Variants in HTT observed in about 807,000 individuals in gnomAD.
The protein encoded by HTT is huntingtin.
A neutral mutation model predicts 362.3 loss-of-function variants in HTT; 104 were observed. The ratio of observed to expected loss-of-function variants is 0.29; its 90% CI spans 0.24 to 0.34. The LOEUF (loss-of-function observed/expected upper bound fraction) is 0.34. Ranked by LOEUF, HTT falls within the 10% of genes least tolerant of loss-of-function variation. HTT has a pLI of 1.00. For missense variants in HTT, 3,301 were observed against 3,928.6 expected (o/e 0.84, Z 4.27); for synonymous variants, 1,577 against 1,548.7 (o/e 1.02, Z -0.43).
intron 29 of HTT, among the ~76,000 whole-genome samples, chr4:3,164,194 A>G (rs1717587879): frequency 1.3e-5 from 2 of 152,190 alleles, no homozygotes. Context: ...CCCAGTAGTC[A>G]TTCAAGAGCA....
At chr4:3,231,496 A>G (rs1721248111) in intron 60 of HTT, among the ~76,000 whole-genome samples, 2 of 152,168 alleles carry the variant, frequency 1.3e-5, no homozygotes, top group Non-Finnish European at 2.9e-5. Context: ...GCAGAGGTTG[A>G]GGTGAGCACA....
rs1315494366 is a variant in HTT at position 3,099,292 on chromosome 4, G to C, written c.366G>C (p.Gln122His). 6.2e-7 allele frequency: 1 copy of C among 1,613,380 alleles called. No individual in the cohort carries two copies. Among genetic ancestry groups the C allele is most frequent in the Non-Finnish European group, 8.5e-7 (1 of 1,179,554 alleles). ...AQSVRNSPEF[Q>H]KLLGIAMELF... ...TGCTTAGAAATTCTCCAGAATTTCA[G>C]AAACTTCTGGGCATCGCTATGGAAC... The change falls in exon 3 of 67, where the codon CAG (glutamine) becomes CAC (histidine). Residue 122 changes from glutamine to histidine, a missense_variant. Around this residue, in one of 4 missense-constraint regions of HTT, gnomAD observed 2,316 missense variants for 2,658.5 expected, o/e 0.87. Transcript: ENST00000355072.
chr4:3,201,446 C>G (rs1719524841), intron 41 of HTT, among the ~76,000 whole-genome samples: 1 of 148,318 alleles, frequency 6.7e-6, no homozygotes. Context: ...GGGAGAATCG[C>G]TTGAACCTAG....
Position 3,236,220 on chromosome 4 carries a change from G to A in HTT, c.8857G>A (p.Val2953Ile), listed in dbSNP as rs780787893. 7.4e-6 allele frequency: 12 copies of A among 1,613,922 alleles called. No individual in the cohort carries two copies. The highest frequency in any genetic ancestry group is 9.3e-6 in the Non-Finnish European group (11 of 1,179,836). The stretch of plus-strand genomic sequence containing the variant: ...AGCCCCCGACAGCGAGTCAGTGATT[G>A]TTGCTATGGAGCGGGTATCTGTTCT... ...PAAPDSESVI[V>I]AMERVSVLFD... The change falls in exon 64 of 67, where the codon GTT becomes ATT. Residue 2953 changes from valine to isoleucine, a missense_variant. Val to Ile is a conservative substitution (Grantham distance 29). Transcript: ENST00000355072.
At chr4:3,084,319 C>T (rs775121394) in intron 1 of HTT, among the ~76,000 whole-genome samples, 7 of 147,516 alleles carry the variant, frequency 4.7e-5, no homozygotes, top group Middle Eastern at 3.7e-3. Context: ...ATACTTGTGT[C>T]TCAGTCTCCC....
intron 14 of HTT, 93 bp from the exon 15 acceptor site, chr4:3,131,193 T>A: frequency 1.0e-6 from 1 of 969,112 alleles, no homozygotes; most frequent in Non-Finnish European, 1.6e-6. Context: ...AGCACCTGGC[T>A]TAAGTGCTGC....
intron 27 of HTT, 29 bp downstream of exon 27, chr4:3,154,448 C>T (rs1406098484): frequency 6.2e-7 from 1 of 1,610,826 alleles, no homozygotes; most frequent in South Asian, 1.1e-5. Flanking sequence ...AAGGGAGGGA[C>T]ATGAGTGCAG....
At chr4:3,130,662 T>C (rs1715766585) in intron 14 of HTT, among the ~76,000 whole-genome samples, 2 of 152,238 alleles carry the variant, frequency 1.3e-5, no homozygotes, top group Non-Finnish European at 2.9e-5. Context: ...TATTCTGTAC[T>C]GAATGTTTCC....
chr4:3,224,250 T>A, intron 56 of HTT, 119 bp downstream of exon 56: 1 of 1,018,244 alleles, frequency 9.8e-7, no homozygotes, highest in Non-Finnish European at 1.5e-6. Flanking sequence ...TTGGAGGCTG[T>A]GGTGCTAAAT....
intron 28 of HTT, among the ~76,000 whole-genome samples, chr4:3,158,675 C>T (rs1439712182): frequency 3.3e-5 from 5 of 151,676 alleles, no homozygotes; most frequent in South Asian, 2.1e-4. Context: ...ATTTATCAAA[C>T]GTATGTGGCT....
intron 29 of HTT, among the ~76,000 whole-genome samples, chr4:3,168,816 G>C (rs1717832166): frequency 6.6e-6 from 1 of 152,254 alleles, no homozygotes; most frequent in South Asian, 2.1e-4. Context: ...GGTTGAGGCT[G>C]CAAAGAGCCA....
At chr4:3,091,819 G>T (rs1350474675) in intron 2 of HTT, among the ~76,000 whole-genome samples, 1 of 152,150 alleles carries the variant, frequency 6.6e-6, no homozygotes, top group African/African-American at 2.4e-5. Context: ...TTTTGTCAGA[G>T]GTGATACAAC....
At chr4:3,180,204 G>T (rs994265027) in intron 35 of HTT, among the ~76,000 whole-genome samples, 2 of 152,150 alleles carry the variant, frequency 1.3e-5, no homozygotes, top group Non-Finnish European at 2.9e-5. Flanking sequence ...TTGGTTATTT[G>T]GAAAGTTTTA....
chr4:3,233,863 G>T (rs1721386039), intron 61 of HTT, among the ~76,000 whole-genome samples: 1 of 152,230 alleles, frequency 6.6e-6, no homozygotes, highest in Admixed American at 6.5e-5. Context: ...TCTTCACAGC[G>T]ATGTCTTACA....
chr4:3,119,446 T>C (rs1007571278), intron 8 of HTT, among the ~76,000 whole-genome samples: 1 of 152,266 alleles, frequency 6.6e-6, no homozygotes, highest in Non-Finnish European at 1.5e-5. Flanking sequence ...GGAGTAGTAC[T>C]GAAATCTTTC....
chr4:3,222,329 T>A, intron 53 of HTT, 58 bp from the exon 54 acceptor site: 1 of 1,464,598 alleles, frequency 6.8e-7, no homozygotes, highest in Non-Finnish European at 9.5e-7. Context: ...AGCTGTCAGC[T>A]CTCCGTTACA....
At chr4:3,223,228 G>A (rs1455734316) in intron 54 of HTT, among the ~76,000 whole-genome samples, 178 bp from the exon 55 acceptor site, 3 of 152,234 alleles carry the variant, frequency 2.0e-5, no homozygotes. Context: ...GATTGTTTCA[G>A]GGCCCGTGTG....
At chr4:3,233,118 G>C in intron 60 of HTT, 45 bp from the exon 61 acceptor site, 1 of 1,515,780 alleles carries the variant, frequency 6.6e-7, no homozygotes, top group African/African-American at 1.4e-5. Flanking sequence ...CCACTGGGAC[G>C]TGAGCTCTGG....
intron 1 of HTT, among the ~76,000 whole-genome samples, chr4:3,082,035 CT>C (rs145067355): frequency 0.067 from 10,249 of 152,154 alleles, 468 homozygotes; most frequent in African/African-American, 0.13. Context: ...TTTCTTGTGT[CT>C]TCTTCCCAGA....
Sources: gnomAD v4.1 joint callset for allele counts (sites outside exome capture counted in the v4.1 genomes callset) on GRCh38, gnomAD v4.1.1 for gene constraint, gnomAD v4.1.1 regional missense constraint, MANE v1.5 for transcripts, NCBI Gene and HGNC (gene_info 2026-07-23, HGNC 2026-07-21) for gene names.